The following GRIK4 variants were observed in gnomAD, a reference collection of about 807,000 sequenced individuals.
GRIK4 encodes the protein glutamate ionotropic receptor kainate type subunit 4.
GRIK4 carries 40 observed loss-of-function variants against 104.9 expected under a neutral mutation model. The observed-to-expected ratio is 0.38, with a 90% CI of 0.30 to 0.50. The LOEUF is 0.50. GRIK4 is among the 20% of genes least tolerant of loss of function. The probability of loss-of-function intolerance (pLI) is 0.93; values close to 1 mark genes in which losing one functional copy is unlikely to be tolerated. For missense variants in GRIK4, 1,047 were observed against 1,308.1 expected, an observed-to-expected ratio of 0.80 and a Z score of 3.08; for synonymous variants, 485 against 524.9, an observed-to-expected ratio of 0.92 and a Z score of 1.04.
rs1191768545 is a variant in GRIK4 at position 120,681,559 on chromosome 11, A to G, written c.82+21159A>G. 2.0e-5 allele frequency among the ~76,000 whole-genome samples: 3 copies of G among 152,314 alleles called. No homozygotes were observed. The East Asian group carries it at 5.8e-4, about 29-fold the overall frequency. The stretch of plus-strand genomic sequence containing the variant: ...ATTATCCCCTGGTTAAGTGCCAATT[A>G]GCTGCTGGCTGCCTGTTCACTCAGT... On this transcript the variant is annotated intron_variant, in intron 3 of 20. Transcript: ENST00000527524.
At chr11:120,617,773 G>GTT (rs1038790545) in intron 1 of GRIK4, among the ~76,000 whole-genome samples, 7 of 152,152 alleles carry the variant, frequency 4.6e-5, no homozygotes, top group Non-Finnish European at 7.3e-5. Flanking sequence ...ATGATTGTAA[G>GTT]TTTTCTGAGG....
intron 1 of GRIK4, among the ~76,000 whole-genome samples, chr11:120,626,991 C>T (rs781047386): frequency 6.6e-6 from 1 of 152,192 alleles, no homozygotes; most frequent in Non-Finnish European, 1.5e-5. Flanking sequence ...CACGGAGGCC[C>T]GAAGGGCTTC....
chr11:120,546,896 A>G (rs894076333), intron 1 of GRIK4, among the ~76,000 whole-genome samples: 1 of 152,200 alleles, frequency 6.6e-6, no homozygotes, highest in African/African-American at 2.4e-5. Context: ...GAAACCAAAT[A>G]CGGCTTTGCT....
chr11:120,909,659 C>A (rs1942949587), intron 13 of GRIK4, among the ~76,000 whole-genome samples: 1 of 152,148 alleles, frequency 6.6e-6, no homozygotes, highest in African/African-American at 2.4e-5. Flanking sequence ...GCAGCAGAAG[C>A]AATGAAGGTT....
intron 9 of GRIK4, among the ~76,000 whole-genome samples, chr11:120,863,098 A>G (rs764370603): frequency 2.0e-5 from 3 of 152,182 alleles, no homozygotes; most frequent in Non-Finnish European, 2.9e-5. Flanking sequence ...TCCACTGTGC[A>G]TCTCTCTAGG....
intron 7 of GRIK4, among the ~76,000 whole-genome samples, chr11:120,833,584 C>G (rs1352232197): frequency 1.3e-5 from 2 of 152,180 alleles, no homozygotes; most frequent in Non-Finnish European, 2.9e-5. Context: ...GTAGAAGCTT[C>G]TGGGGGCCAG....
chr11:120,969,010 G>C (rs185860398), intron 19 of GRIK4, among the ~76,000 whole-genome samples: 2 of 152,286 alleles, frequency 1.3e-5, no homozygotes, highest in Admixed American at 1.3e-4. Flanking sequence ...TGCCTGCAGA[G>C]GAGTTACTTT....
At chr11:120,719,746 A>G (rs1458377885) in intron 3 of GRIK4, among the ~76,000 whole-genome samples, 1 of 152,212 alleles carries the variant, frequency 6.6e-6, no homozygotes, top group Non-Finnish European at 1.5e-5. Context: ...CCTGCCCAAT[A>G]TTCAAAACCA....
chr11:120,751,402 T>C (rs1485781781), intron 3 of GRIK4, among the ~76,000 whole-genome samples: 1 of 152,208 alleles, frequency 6.6e-6, no homozygotes, highest in African/African-American at 2.4e-5. Flanking sequence ...CTGGGAGTCA[T>C]TTGCATAGGA....
At chr11:120,810,861 C>T (rs1009669747) in intron 4 of GRIK4, among the ~76,000 whole-genome samples, 5 of 152,130 alleles carry the variant, frequency 3.3e-5, no homozygotes, top group African/African-American at 7.2e-5. Flanking sequence ...ATGAAAACTG[C>T]GGTGATTTCT....
intron 19 of GRIK4, among the ~76,000 whole-genome samples, chr11:120,973,020 A>G (rs1337126130): frequency 1.3e-5 from 2 of 152,178 alleles, no homozygotes; most frequent in South Asian, 2.1e-4. Flanking sequence ...CCACCCCAAT[A>G]CAATGACACA....
chr11:120,838,556 A>G (rs1428588129), intron 8 of GRIK4, among the ~76,000 whole-genome samples: 3 of 152,194 alleles, frequency 2.0e-5, no homozygotes, highest in Non-Finnish European at 2.9e-5. Flanking sequence ...AAGTAACTGT[A>G]TAAATGATGC....
intron 1 of GRIK4, among the ~76,000 whole-genome samples, chr11:120,553,648 A>C (rs1454950965): frequency 6.6e-6 from 1 of 152,230 alleles, no homozygotes; most frequent in African/African-American, 2.4e-5. Context: ...CGCAAACTGC[A>C]CTTGGCCTCC....
intron 8 of GRIK4, among the ~76,000 whole-genome samples, chr11:120,848,165 C>T (rs1182129868): frequency 2.6e-5 from 4 of 152,222 alleles, no homozygotes; most frequent in African/African-American, 9.6e-5. Flanking sequence ...GCTGGGCAGC[C>T]GTTGAGGGGG....
chr11:120,525,025 G>T (rs557056259), intron 1 of GRIK4, among the ~76,000 whole-genome samples: 48 of 152,288 alleles, frequency 3.2e-4, no homozygotes, highest in Non-Finnish European at 5.7e-4. Flanking sequence ...AAGGCTGCTG[G>T]ACAGGCTTCC....
chr11:120,529,184 T>TC (rs1040317826), intron 1 of GRIK4, among the ~76,000 whole-genome samples: 35 of 150,186 alleles, frequency 2.3e-4, no homozygotes, highest in Non-Finnish European at 1.9e-4. Flanking sequence ...TTTGGAGCAC[T>TC]CCCACCTTGC....
At chr11:120,671,939 C>T (rs7934805) in intron 3 of GRIK4, among the ~76,000 whole-genome samples, 24,905 of 152,044 alleles carry the variant, frequency 0.16, 2,281 homozygotes, top group South Asian at 0.23. Context: ...TGGTTGTAGA[C>T]GTATGTTGTA....
chr11:120,791,268 G>T (rs750544722), intron 3 of GRIK4, among the ~76,000 whole-genome samples: 1 of 152,100 alleles, frequency 6.6e-6, no homozygotes, highest in Non-Finnish European at 1.5e-5. Flanking sequence ...GTCAGCAATT[G>T]GTATGGTCAA....
chr11:120,560,353 C>T (rs1381375607), intron 1 of GRIK4, among the ~76,000 whole-genome samples: 1 of 151,824 alleles, frequency 6.6e-6, no homozygotes, highest in African/African-American at 2.4e-5. Context: ...TGCCTGGCCT[C>T]CAAGCAGATT....
Sources: allele counts gnomAD v4.1 joint callset (sites outside exome capture counted in the v4.1 genomes callset), GRCh38; gene constraint gnomAD v4.1.1; transcripts MANE v1.5; gene names NCBI Gene and HGNC (gene_info 2026-07-23, HGNC 2026-07-21).